The following GNGT1 variants were observed in gnomAD, a reference collection of about 807,000 sequenced individuals.
GNGT1 encodes the protein G protein subunit gamma transducin 1.
A neutral mutation model predicts 7.4 loss-of-function variants in GNGT1; 4 were observed. The ratio of observed to expected loss-of-function variants is 0.54; its 90% CI spans 0.27 to 1.24. The LOEUF (loss-of-function observed/expected upper bound fraction) is 1.24, where lower values mean the gene tolerates loss of function less well. Ranked by LOEUF, GNGT1 falls within the 50% of genes most tolerant of loss-of-function variation. GNGT1 has a pLI of 0.12. For missense variants in GNGT1, 95 were observed against 82.4 expected (o/e 1.15, Z -0.59); for synonymous variants, 37 against 30.2 (o/e 1.23, Z -0.74).
chr7:93,910,828 A>G lies in GNGT1; in HGVS notation c.135A>G (p.Glu45=). Residue 45 remains glutamate, a synonymous_variant, in exon 3 of 3, where the codon GAA becomes GAG. Coordinates refer to ENST00000248572, the MANE Select transcript of GNGT1 (RefSeq NM_021955.5). ...KCCEEVRDYV[E]ERSGEDPLVK... ...GTGAAGAAGTAAGAGATTACGTTGA[A>G]GAACGATCTGGCGAGGATCCACTGG... is the stretch of plus-strand genomic sequence containing the variant. The G allele has an allele frequency of 1.2e-6, 2 of 1,606,926 alleles. No homozygotes were observed. The highest frequency in any genetic ancestry group is 1.3e-5 in the African/African-American group (1 of 74,894).
chr7:93,909,742 G>T, intron 2 of GNGT1: 3 of 400,908 alleles, frequency 7.5e-6, no homozygotes, highest in Non-Finnish European at 1.3e-5. Flanking sequence ...AAAATAATTT[G>T]TTTTACTATG....
intron 2 of GNGT1, among the ~76,000 whole-genome samples, chr7:93,908,674 GTTATA>G (rs985854489): frequency 6.6e-6 from 1 of 150,838 alleles, no homozygotes; most frequent in African/African-American, 2.4e-5. Flanking sequence ...ATAATAATAT[GTTATA>G]TTATATATAA....
chr7:93,910,582 G>C (rs939233863), intron 2 of GNGT1: 1 of 256,284 alleles, frequency 3.9e-6, no homozygotes, highest in Non-Finnish European at 7.5e-6. Flanking sequence ...GTGGCCAGCT[G>C]TTTTTCCTTT....
rs1794431207 is a variant in GNGT1, at chr7:93,909,749, T to C, written c.97-1041T>C. 4 of 425,098 alleles carry C rather than the reference T, an allele frequency of 9.4e-6. No homozygotes were observed. In the Middle Eastern group the frequency reaches 1.5e-3, roughly 156 times the overall value. 26.3% of individuals were successfully genotyped at this position (425,098 alleles called of 1,614,324 possible). On this transcript the variant is annotated intron_variant, in intron 2 of 2. Coordinates refer to ENST00000248572, the MANE Select transcript of GNGT1 (RefSeq NM_021955.5). ...TCCAGTTGAAAATAATTTGTTTTAC[T>C]ATGTAATTAATGAGTCTGCCTAGTT... is the stretch of plus-strand genomic sequence containing the variant.
intron 1 of GNGT1, 25 bp from the exon 2 acceptor site, chr7:93,906,711 A>G (rs1794378528): frequency 3.3e-6 from 4 of 1,198,960 alleles, no homozygotes; most frequent in Non-Finnish European, 4.9e-6. Context: ...ATTCATGCAT[A>G]GCTGCTAACC....
In GNGT1 at chr7:93,910,883, T is replaced by A; in HGVS notation, c.190T>A (p.Phe64Ile). The A allele has an allele frequency of 1.2e-6, 2 of 1,607,834 alleles. No homozygotes were observed. The highest frequency in any genetic ancestry group is 1.7e-6 in the Non-Finnish European group (2 of 1,176,266). ...GGGCATCCCAGAGGACAAAAATCCC[T>A]TCAAGGAGCTCAAAGGAGGCTGTGT... ...VKGIPEDKNP[F>I]KELKGGCVIS The change falls in exon 3 of 3, where the codon TTC becomes ATC. Residue 64 changes from phenylalanine to isoleucine, a missense_variant. Physicochemically the swap from Phe to Ile is conservative, Grantham distance 21. Transcript: ENST00000248572.
chr7:93,909,074 G>A (rs913338316), intron 2 of GNGT1, among the ~76,000 whole-genome samples: 1 of 152,156 alleles, frequency 6.6e-6, no homozygotes, highest in Non-Finnish European at 1.5e-5. Context: ...CTATGAACCA[G>A]ACTGATTCAT....
rs372563644 is a variant in GNGT1, at chr7:93,910,951, C to A, written c.*33C>A. 1.8e-5 allele frequency: 27 copies of A among 1,461,240 alleles called. No homozygotes were observed. The highest frequency in any genetic ancestry group is 2.3e-5 in the Non-Finnish European group (25 of 1,075,232). The allele number at this position is 1,461,240 out of a possible 1,614,324, so 90.5% of individuals were successfully genotyped here. A position where few individuals can be genotyped will look rare whatever the true frequency, so the allele number is the denominator to read the frequency against. ...AAAAAGAAAAAAAATTAAACAAATT[C>A]TTGGAAATATCTCAAATGTTAATAA... is the stretch of plus-strand genomic sequence containing the variant. On this transcript the variant is annotated 3_prime_UTR_variant, in exon 3 of 3. Coordinates refer to ENST00000248572, the MANE Select transcript of GNGT1 (RefSeq NM_021955.5).
At chr7:93,908,763 G>A (rs17165876) in intron 2 of GNGT1, among the ~76,000 whole-genome samples, 11,506 of 151,874 alleles carry the variant, frequency 0.076, 506 homozygotes, top group African/African-American at 0.12. Context: ...GATATACTCA[G>A]TATGGGTAAG....
intron 2 of GNGT1, chr7:93,909,763 G>A: frequency 2.7e-6 from 1 of 370,852 alleles, no homozygotes; most frequent in Non-Finnish European, 4.8e-6. Flanking sequence ...TAATTAATGA[G>A]TCTGCCTAGT....
chr7:93,906,992 A>G, intron 2 of GNGT1, 150 bp downstream of exon 2: 1 of 357,716 alleles, frequency 2.8e-6, no homozygotes, highest in East Asian at 5.7e-5. Context: ...TTGATAATCA[A>G]TCATAACTAT....
At chr7:93,909,233 A>G (rs1268958114) in intron 2 of GNGT1, among the ~76,000 whole-genome samples, 1 of 152,204 alleles carries the variant, frequency 6.6e-6, no homozygotes, top group East Asian at 1.9e-4. Context: ...TTGATTGTGC[A>G]TCTTCTTGTG....
intron 2 of GNGT1, among the ~76,000 whole-genome samples, chr7:93,907,821 T>C (rs1414371726): frequency 1.3e-5 from 2 of 152,158 alleles, no homozygotes; most frequent in African/African-American, 4.8e-5. Context: ...TTTATAATAA[T>C]CTCAAACTCC....
intron 2 of GNGT1, among the ~76,000 whole-genome samples, chr7:93,909,170 A>AG (rs1332000323): frequency 6.6e-6 from 1 of 152,224 alleles, no homozygotes; most frequent in Non-Finnish European, 1.5e-5. Context: ...AGTCAATGTA[A>AG]TAGGCCATGA....
chr7:93,908,497 G>T (rs1408528952), intron 2 of GNGT1, among the ~76,000 whole-genome samples: 2 of 151,612 alleles, frequency 1.3e-5, no homozygotes, highest in African/African-American at 4.9e-5. Flanking sequence ...AAGCTCTCTG[G>T]GGTCTCTTTT....
At chr7:93,908,575 C>T (rs908280405) in intron 2 of GNGT1, among the ~76,000 whole-genome samples, 4 of 151,798 alleles carry the variant, frequency 2.6e-5, no homozygotes, top group African/African-American at 4.8e-5. Context: ...AAAACCCCAC[C>T]GAGGGAGTTA....
At chr7:93,906,977 G>GTC in intron 2 of GNGT1, 135 bp downstream of exon 2, 1 of 500,750 alleles carries the variant, frequency 2.0e-6, no homozygotes, top group South Asian at 3.0e-5. Flanking sequence ...CAAAGATTAA[G>GTC]AAAATTGATA....
Position 93,910,914 on chromosome 7 carries a change from C to A in GNGT1, c.221C>A (p.Ser74Ter). 6.4e-7 allele frequency: 1 copy of A among 1,559,460 alleles called. No homozygotes were observed. Among genetic ancestry groups the A allele is most frequent in the Non-Finnish European group, 8.7e-7 (1 of 1,154,492 alleles). The stretch of plus-strand genomic sequence containing the variant: ...GAGCTCAAAGGAGGCTGTGTGATTT[C>A]ATAATACAAACAAAAAGAAAAAAAA... The part of the protein sequence containing the change: ...FKELKGGCVI[S>*] Residue 74 changes from serine to a stop codon, truncating the protein, a stop_gained, in exon 3 of 3, where the codon TCA becomes TAA. Coordinates refer to ENST00000248572, the MANE Select transcript of GNGT1 (RefSeq NM_021955.5). LOFTEE classifies it high-confidence loss of function.
chr7:93,909,591 TAG>T (rs1258044737), intron 2 of GNGT1: 3 of 666,606 alleles, frequency 4.5e-6, no homozygotes, highest in Non-Finnish European at 5.5e-6. Context: ...TAGTGACTTT[TAG>T]AGAGAGAGTG....
Sources: gnomAD v4.1 joint callset for allele counts (sites outside exome capture counted in the v4.1 genomes callset) on GRCh38, gnomAD v4.1.1 for gene constraint, MANE v1.5 for transcripts, NCBI Gene and HGNC (gene_info 2026-07-23, HGNC 2026-07-21) for gene names.